Variants in PDE4B observed in about 807,000 individuals in gnomAD.
The protein encoded by PDE4B is phosphodiesterase 4B.
PDE4B carries 20 observed loss-of-function variants against 82.2 expected under a neutral mutation model. That is an observed-to-expected ratio of 0.24 (90% confidence interval 0.17 to 0.35). The LOEUF is 0.35. Ranked by LOEUF, PDE4B falls within the 10% of genes least tolerant of loss-of-function variation. The pLI, the probability that PDE4B is intolerant of heterozygous loss-of-function variation, is 1.00. For missense variants in PDE4B, 655 were observed against 907.2 expected (o/e 0.72, Z 3.57); for synonymous variants, 320 against 318.9 (o/e 1.00, Z -0.04).
At chr1:66,286,809 G>C (rs1656708696) in intron 7 of PDE4B, among the ~76,000 whole-genome samples, 1 of 152,100 alleles carries the variant, frequency 6.6e-6, no homozygotes, top group African/African-American at 2.4e-5. Flanking sequence ...CTTAGCCCAT[G>C]TAATAAAGAG....
At chr1:66,058,230 G>A (rs1456582578) in intron 3 of PDE4B, among the ~76,000 whole-genome samples, 1 of 152,218 alleles carries the variant, frequency 6.6e-6, no homozygotes, top group Non-Finnish European at 1.5e-5. Context: ...GATGGAAGAG[G>A]TGGGTTCCCA....
At chr1:65,951,846 A>C (rs953861204) in intron 3 of PDE4B, among the ~76,000 whole-genome samples, 1 of 152,074 alleles carries the variant, frequency 6.6e-6, no homozygotes, top group Non-Finnish European at 1.5e-5. Context: ...TAGCCATAAA[A>C]ATTCCAAGTA....
rs981109260 is a variant in PDE4B, at chr1:66,314,692, C to A, written c.635-17816C>A. On this transcript the variant is annotated intron_variant, in intron 7 of 16. Transcript: ENST00000341517. ...CCTTCCAAAGTGCTGGGATTGTAGG[C>A]TTGAGCCACCGTGCCCAACCTCCAC... 5.3e-5 allele frequency among the ~76,000 whole-genome samples: 8 copies of A among 152,328 alleles called. 2 individuals carry two copies. Among genetic ancestry groups the A allele is most frequent in the Admixed American group, 6.5e-5 (1 of 15,300 alleles).
At chr1:66,237,877 C>T (rs1327063156) in intron 3 of PDE4B, among the ~76,000 whole-genome samples, 30 of 152,106 alleles carry the variant, frequency 2.0e-4, no homozygotes, top group Admixed American at 2.0e-3. Context: ...CAGGAAAGTG[C>T]CAGGCACTAG....
At chr1:66,210,383 G>A (rs2101572397) in intron 3 of PDE4B, among the ~76,000 whole-genome samples, 1 of 152,076 alleles carries the variant, frequency 6.6e-6, no homozygotes, top group Admixed American at 6.5e-5. Flanking sequence ...AGATCACGAG[G>A]TCAAGAGATT....
intron 8 of PDE4B, among the ~76,000 whole-genome samples, chr1:66,345,813 C>T (rs904996640): frequency 2.6e-5 from 4 of 152,088 alleles, no homozygotes; most frequent in African/African-American, 7.2e-5. Context: ...CCAATGACCC[C>T]CAAAGTACCC....
intron 7 of PDE4B, among the ~76,000 whole-genome samples, chr1:66,285,772 G>T (rs973490245): frequency 1.3e-5 from 2 of 151,930 alleles, no homozygotes; most frequent in African/African-American, 4.8e-5. Context: ...GGAGTGACAG[G>T]AACCAAGAAA....
chr1:65,940,815 G>A (rs1394140187), intron 3 of PDE4B, among the ~76,000 whole-genome samples: 1 of 152,054 alleles, frequency 6.6e-6, no homozygotes, highest in Non-Finnish European at 1.5e-5. Context: ...TTAGGTGTAT[G>A]AATCTGGGTT....
chr1:66,335,012 A>G (rs892614616), intron 8 of PDE4B, among the ~76,000 whole-genome samples: 5 of 152,236 alleles, frequency 3.3e-5, no homozygotes, highest in African/African-American at 1.2e-4. Flanking sequence ...ACTATATTCC[A>G]TATTCAGTTT....
At chr1:65,964,839 ATG>A (rs745869487) in intron 3 of PDE4B, among the ~76,000 whole-genome samples, 1 of 151,956 alleles carries the variant, frequency 6.6e-6, no homozygotes, top group African/African-American at 2.4e-5. Context: ...GTGTATGTGC[ATG>A]TGTGTGTGTG....
chr1:65,918,864 T>C, intron 3 of PDE4B, 29 bp downstream of exon 3: 1 of 1,337,068 alleles, frequency 7.5e-7, no homozygotes. Flanking sequence ...AAATGTCAAT[T>C]CTAAATTTTT....
chr1:65,917,555 G>A (rs1029427993), intron 2 of PDE4B, among the ~76,000 whole-genome samples: 7 of 152,132 alleles, frequency 4.6e-5, no homozygotes, highest in African/African-American at 1.7e-4. Flanking sequence ...ACCAGGCAGA[G>A]GCTCATTTGG....
Position 66,253,414 on chromosome 1 carries a change from C to G in PDE4B, c.477-4233C>G, listed in dbSNP as rs182789243. 5.9e-5 allele frequency among the ~76,000 whole-genome samples: 9 copies of G among 152,284 alleles called. No homozygotes were observed. The East Asian group carries it at 1.7e-3, about 29-fold the overall frequency. ...AAATCATTTTATTGTTTAGAGCAGA[C>G]CTACATACACTCAATTCTATGACTC... On this transcript the variant is annotated intron_variant, in intron 4 of 16. Transcript: ENST00000341517.
chr1:66,076,661 C>T (rs545863064), intron 3 of PDE4B, among the ~76,000 whole-genome samples: 303 of 152,262 alleles, frequency 2.0e-3, no homozygotes, highest in Admixed American at 4.4e-3. Context: ...TCTCTGCAGC[C>T]GTGCCAGCAT....
intron 3 of PDE4B, among the ~76,000 whole-genome samples, chr1:66,015,798 G>T (rs1652742274): frequency 6.6e-6 from 1 of 152,152 alleles, no homozygotes. Context: ...CCTGGTATAA[G>T]GGGAGATTCT....
At chr1:66,216,670 T>C (rs896897824) in intron 3 of PDE4B, among the ~76,000 whole-genome samples, 4 of 152,146 alleles carry the variant, frequency 2.6e-5, no homozygotes, top group Admixed American at 2.0e-4. Flanking sequence ...TCTCAAAGCA[T>C]AGTCAGCTAT....
chr1:66,124,140 G>A (rs574576728), intron 3 of PDE4B, among the ~76,000 whole-genome samples: 2 of 152,302 alleles, frequency 1.3e-5, no homozygotes, highest in Middle Eastern at 3.4e-3. Flanking sequence ...CATGAGAGGC[G>A]ATGTGCTTAA....
chr1:65,820,346 AAG>A (rs1645938760), intron 1 of PDE4B, among the ~76,000 whole-genome samples: 2 of 152,250 alleles, frequency 1.3e-5, no homozygotes, highest in South Asian at 4.1e-4. Flanking sequence ...CTATGGAAAA[AAG>A]AACTTCAAAT....
chr1:66,367,586 G>T (rs1663341496), intron 13 of PDE4B, 110 bp from the exon 14 acceptor site: 2 of 831,556 alleles, frequency 2.4e-6, no homozygotes, highest in Middle Eastern at 3.3e-4. Flanking sequence ...TGTAGCTGGT[G>T]GTTCTTGAAA....
Sources: allele counts gnomAD v4.1 joint callset (sites outside exome capture counted in the v4.1 genomes callset), GRCh38; gene constraint gnomAD v4.1.1; transcripts MANE v1.5; gene names NCBI Gene and HGNC (gene_info 2026-07-23, HGNC 2026-07-21).